EGR4: variants seen among roughly 807,000 people sequenced by gnomAD.
The protein encoded by EGR4 is early growth response protein 4.
Under a neutral mutation model 25.4 loss-of-function variants are expected in EGR4, and 22 were observed. The ratio of observed to expected loss-of-function variants is 0.87; its 90% confidence interval spans 0.62 to 1.24. EGR4 has a LOEUF of 1.24. Among genes scored for constraint, EGR4 ranks in the 50% most tolerant of loss-of-function variants. EGR4 has a pLI of 0.00. For missense variants in EGR4, 742 were observed against 702.9 expected (o/e 1.06, Z -0.63); for synonymous variants, 375 against 320.1 (o/e 1.17, Z -1.83).
rs1469279421 is a variant in EGR4, at chr2:73,291,423, C to T, written c.*34G>A. The T allele has an allele frequency of 4.6e-6, 7 of 1,535,160 alleles. No individual in the cohort carries two copies. The highest frequency in any genetic ancestry group is 6.1e-6 in the Non-Finnish European group (7 of 1,143,322). On this transcript the variant is annotated 3_prime_UTR_variant, in exon 2 of 2. Transcript: ENST00000436467. ...CGGCCCGGAACTCGTGCGCGCCGAA[C>T]GGCGGCGCCCCAACCCATAAACCCA...
rs1689131344 is a variant in EGR4 at position 73,292,493 on chromosome 2, G to C, written c.425C>G (p.Pro142Arg). The C allele has an allele frequency of 6.6e-7, 1 of 1,516,106 alleles. No individual in the cohort carries two copies. The highest frequency in any genetic ancestry group is 8.8e-7 in the Non-Finnish European group (1 of 1,135,360). 93.9% of individuals were successfully genotyped at this position (1,516,106 alleles called of 1,614,324 possible). A position where few individuals can be genotyped will look rare whatever the true frequency, so the allele number is the denominator to read the frequency against. The change falls in exon 2 of 2, where the codon CCG becomes CGG. Residue 142 changes from proline (P) to arginine (R), a missense_variant. By Grantham distance (103) the Pro-to-Arg change is moderately radical. Coordinates refer to ENST00000436467, the MANE Select transcript of EGR4 (RefSeq NM_001965.4). ...GCCCAGATCCGGGGAGTAAAGGTCC[G>C]GCGGACCCGGCAGCAAGGCATCGGA... ...AGSDALLPGP[P>R]DLYSPDLGAA... is the part of the protein sequence containing the mutation.
intron 1 of EGR4, 79 bp downstream of exon 1, chr2:73,293,103 A>C: frequency 7.7e-7 from 1 of 1,305,144 alleles, no homozygotes; most frequent in African/African-American, 1.6e-5. Flanking sequence ...CCAATGTCCC[A>C]GTCCCTCCTG....
Position 73,292,666 on chromosome 2 carries a change from A to C in EGR4, c.252T>G (p.Gly84=). The C allele has an allele frequency of 6.5e-7, 1 of 1,546,482 alleles. No individual in the cohort carries two copies. The highest frequency in any genetic ancestry group is 8.7e-7 in the Non-Finnish European group (1 of 1,146,208). The change falls in exon 2 of 2, where the codon GGT becomes GGG. Residue 84 remains glycine (G), a synonymous_variant. Transcript: ENST00000436467. ...PTPPPGLSYS[G]SFFIQAVPEH... is the part of the protein sequence containing the mutation. The stretch of plus-strand genomic sequence containing the variant: ...CGGGCACTGCCTGAATGAAGAAGCT[A>C]CCGCTGTAGCTGAGGCCGGGAGGGG...
At position 73,291,534 on chromosome 2, in the gene EGR4, T is replaced by C; in HGVS notation, c.1384A>G (p.Lys462Glu). 1 of 1,613,272 alleles carries C rather than the reference T, an allele frequency of 6.2e-7. No homozygotes were observed. Among genetic ancestry groups the C allele is most frequent in the Non-Finnish European group, 8.5e-7 (1 of 1,179,718 alleles). ...EKKRHSKVHLKQKARAEERLK... is the reference protein window; with the variant it reads ...EKKRHSKVHLEQKARAEERLK... ...CGCTCCTCGGCGCGCGCCTTCTGCT[T>C]GAGGTGCACCTTGCTGTGCCGTTTC... The change falls in exon 2 of 2, where the codon AAG becomes GAG. Residue 462 changes from lysine (K) to glutamate (E), a missense_variant. Lys to Glu is a moderately conservative substitution (Grantham distance 56, BLOSUM62 1). Coordinates refer to ENST00000436467, the MANE Select transcript of EGR4 (RefSeq NM_001965.4).
At position 73,292,714 on chromosome 2, in the gene EGR4, G is replaced by A; in HGVS notation, c.204C>T (p.Phe68=). The change falls in exon 2 of 2, where the codon TTC becomes TTT. Residue 68 remains phenylalanine, a synonymous_variant. Transcript: ENST00000436467. ...GGGGTGTGGGCGCAGGCCCCTCCAG[G>A]AAGCAGGAGTCGGCTAAGTCCCCAC... is the stretch of plus-strand genomic sequence containing the variant. ...GASGDLADSC[F]LEGPAPTPPP... 1 of 1,490,092 alleles carries A rather than the reference G, an allele frequency of 6.7e-7. No homozygotes were observed. Among genetic ancestry groups the A allele is most frequent in the Non-Finnish European group, 8.9e-7 (1 of 1,119,862 alleles). The allele number at this position is 1,490,092 out of a possible 1,614,324, so 92.3% of individuals were successfully genotyped here.
At position 73,293,502 on chromosome 2, in the gene EGR4, C is replaced by CGGCCTCG. The variant is rs1286311052; in HGVS notation, c.-192_-186dup. Reference sequence around the variant, plus strand: ...CCGCGGCGCCCTCGCTCGCCCGCACCGGCCTCGGGCGGCGGCTCCTCGCCT... The same window carrying CGGCCTCG: ...CCGCGGCGCCCTCGCTCGCCCGCACCGGCCTCGGGCCTCGGGCGGCGGCTCCTCGCCT... On this transcript the variant is annotated 5_prime_UTR_variant, in exon 1 of 2. Transcript: ENST00000436467. 6 of 1,502,036 alleles carry CGGCCTCG rather than the reference C, an allele frequency of 4.0e-6. No homozygotes were observed. The highest frequency in any genetic ancestry group is 5.3e-6 in the Non-Finnish European group (6 of 1,130,244). 93.0% of individuals were successfully genotyped at this position (1,502,036 alleles called of 1,614,324 possible). A position where few individuals can be genotyped will look rare whatever the true frequency, so the allele number is the denominator to read the frequency against.
Position 73,291,403 on chromosome 2 carries a change from C to A in EGR4, c.*54G>T. On this transcript the variant is annotated 3_prime_UTR_variant, in exon 2 of 2. Coordinates refer to ENST00000436467, the MANE Select transcript of EGR4 (RefSeq NM_001965.4). ...AAGAAGAGCGGGGAGGGGAACGGCC[C>A]GGAACTCGTGCGCGCCGAACGGCGG... 1 of 1,526,494 alleles carries A rather than the reference C, an allele frequency of 6.6e-7. No homozygotes were observed. The highest frequency in any genetic ancestry group is 1.4e-5 in the African/African-American group (1 of 72,134). 94.6% of individuals were successfully genotyped at this position (1,526,494 alleles called of 1,614,324 possible).
chr2:73,292,149 C>A lies in EGR4; in HGVS notation c.769G>T (p.Ala257Ser). 6.3e-7 allele frequency: 1 copy of A among 1,589,082 alleles called. No homozygotes were observed. The highest frequency in any genetic ancestry group is 1.8e-5 in the Admixed American group (1 of 56,424). Reference protein sequence around the residue: ...SCPAELPAVPANRLYPSGAYD... With the variant: ...SCPAELPAVPSNRLYPSGAYD... ...GCCCCGCTGGGATAGAGTCTGTTGG[C>A]TGGGACGGCCGGCAGTTCCGCAGGG... Residue 257 changes from alanine (A) to serine (S), a missense_variant, in exon 2 of 2, where the codon GCC becomes TCC. Ala to Ser is a moderately conservative substitution (Grantham distance 99). Transcript: ENST00000436467.
Position 73,293,428 on chromosome 2 carries a change from C to T in EGR4, c.-111G>A. On this transcript the variant is annotated 5_prime_UTR_variant, in exon 1 of 2. Transcript: ENST00000436467. ...TCCCCGCAGCGCACAGACCTAGGCG[C>T]CCGGGCTCCTGGCTTCGGGCACTCA... is the stretch of plus-strand genomic sequence containing the variant. 1 of 1,520,614 alleles carries T rather than the reference C, an allele frequency of 6.6e-7. No individual in the cohort carries two copies. Among genetic ancestry groups the T allele is most frequent in the South Asian group, 1.2e-5 (1 of 80,826 alleles). The allele number at this position is 1,520,614 out of a possible 1,614,324, so 94.2% of individuals were successfully genotyped here.
At position 73,293,434 on chromosome 2, in the gene EGR4, C is replaced by T; in HGVS notation, c.-117G>A. 6.6e-7 allele frequency: 1 copy of T among 1,520,148 alleles called. No individual in the cohort carries two copies. Among genetic ancestry groups the T allele is most frequent in the Non-Finnish European group, 8.8e-7 (1 of 1,134,776 alleles). The allele number at this position is 1,520,148 out of a possible 1,614,324, so 94.2% of individuals were successfully genotyped here. A position where few individuals can be genotyped will look rare whatever the true frequency, so the allele number is the denominator to read the frequency against. On this transcript the variant is annotated 5_prime_UTR_variant, in exon 1 of 2. Transcript: ENST00000436467. ...CAGCGCACAGACCTAGGCGCCCGGGCTCCTGGCTTCGGGCACTCACCTCTG... is the reference window on the plus strand; with the variant it reads ...CAGCGCACAGACCTAGGCGCCCGGGTTCCTGGCTTCGGGCACTCACCTCTG...
chr2:73,293,163 C>T lies in EGR4; in HGVS notation c.136+19G>A, dbSNP rs747145988. On this transcript the variant is annotated intron_variant, in intron 1 of 1. Transcript: ENST00000436467. The stretch of plus-strand genomic sequence containing the variant: ...CGCTGCGCCGTCGTCGTCTGAGCAC[C>T]CCTGCTCGCCCTCCTTACCTCCAGG... 2.7e-6 allele frequency: 4 copies of T among 1,477,486 alleles called. No individual in the cohort carries two copies. The highest frequency in any genetic ancestry group is 2.7e-5 in the East Asian group (1 of 37,722). 91.5% of individuals were successfully genotyped at this position (1,477,486 alleles called of 1,614,324 possible). A position where few individuals can be genotyped will look rare whatever the true frequency, so the allele number is the denominator to read the frequency against.
Position 73,291,484 on chromosome 2 carries a change from C to A in EGR4, c.1434G>T (p.Ser478=), listed in dbSNP as rs1337198640. The stretch of plus-strand genomic sequence containing the variant: ...AGAGAGAAGCGAAGGAGAGGCCCAG[C>A]GAGTAAAAGCCGAGGCCCTTGAGCC... ...EERLKGLGFY[S]LGLSFASL Residue 478 remains serine, a synonymous_variant, in exon 2 of 2, where the codon TCG becomes TCT. Coordinates refer to ENST00000436467, the MANE Select transcript of EGR4 (RefSeq NM_001965.4). 5 of 1,608,100 alleles carry A rather than the reference C, an allele frequency of 3.1e-6. No individual in the cohort carries two copies. The highest frequency in any genetic ancestry group is 1.7e-4 in the Middle Eastern group (1 of 5,954).
chr2:73,291,592 C>A lies in EGR4; in HGVS notation c.1326G>T (p.Val442=). 1 of 1,613,186 alleles carries A rather than the reference C, an allele frequency of 6.2e-7. No individual in the cohort carries two copies. ...HTGEKPFACD[V]CGRRFARSDE... ...CGCTGCGCGCGAAGCGGCGGCCGCA[C>A]ACGTCGCAAGCAAAAGGCTTCTCGC... The change falls in exon 2 of 2, where the codon GTG becomes GTT. Residue 442 remains valine (V), a synonymous_variant. Coordinates refer to ENST00000436467, the MANE Select transcript of EGR4 (RefSeq NM_001965.4).
Position 73,291,789 on chromosome 2 carries a change from C to G in EGR4, c.1129G>C (p.Ala377Pro). The part of the protein sequence containing the change: ...STRCFCPRPH[A>P]KAFACPVESC... ...TCCACCGGGCAAGCGAAGGCCTTGG[C>G]GTGCGGCCGCGGGCAGAAGCAGCGC... The change falls in exon 2 of 2, where the codon GCC becomes CCC. Residue 377 changes from alanine to proline, a missense_variant. Physicochemically the swap from Ala to Pro is conservative, Grantham distance 27. Transcript: ENST00000436467. The G allele has an allele frequency of 6.3e-7, 1 of 1,597,196 alleles. No homozygotes were observed. The highest frequency in any genetic ancestry group is 2.2e-5 in the East Asian group (1 of 44,670).
In EGR4 at chr2:73,292,366, G is replaced by A. The variant is rs779921623; in HGVS notation, c.552C>T (p.Pro184=). ...EPQLSPPDVK[P]GLRAPPASPA... ...GCGAGGCGGGAGGCGCCCGGAGGCC[G>A]GGCTTGACGTCGGGCGGGGAGAGCT... The change falls in exon 2 of 2, where the codon CCC becomes CCT. Residue 184 remains proline (P), a synonymous_variant. Transcript: ENST00000436467. The A allele has an allele frequency of 8.4e-6, 13 of 1,553,004 alleles. No homozygotes were observed. The highest frequency in any genetic ancestry group is 3.9e-5 in the Admixed American group (2 of 50,736).
chr2:73,292,342 C>A lies in EGR4; in HGVS notation c.576G>T (p.Ser192=), dbSNP rs750784966. ...AGGCAGAGACAGCGTCCAGCGCTGG[C>A]GAGGCGGGAGGCGCCCGGAGGCCGG... is the stretch of plus-strand genomic sequence containing the variant. ...VKPGLRAPPA[S]PALDAVSAFK... Residue 192 remains serine, a synonymous_variant, in exon 2 of 2, where the codon TCG becomes TCT. Coordinates refer to ENST00000436467, the MANE Select transcript of EGR4 (RefSeq NM_001965.4). 35 of 1,574,390 alleles carry A rather than the reference C, an allele frequency of 2.2e-5. No homozygotes were observed. The highest frequency in any genetic ancestry group is 2.8e-5 in the Non-Finnish European group (33 of 1,160,028).
rs1478783650 is a variant in EGR4 at position 73,291,852 on chromosome 2, C to T, written c.1066G>A (p.Ala356Thr). 1 of 1,580,158 alleles carries T rather than the reference C, an allele frequency of 6.3e-7. No individual in the cohort carries two copies. The highest frequency in any genetic ancestry group is 1.8e-5 in the Admixed American group (1 of 56,322). Reference sequence around the variant, plus strand: ...CCGCCGCGGCGCCCCTTGCGTCGCGCCTTGGCCTGGGGGAAAGGGGTGGGC... The same window carrying T: ...CCGCCGCGGCGCCCCTTGCGTCGCGTCTTGGCCTGGGGGAAAGGGGTGGGC... The part of the protein sequence containing the change: ...PPPTPFPQAK[A>T]RRKGRRGGKC... Residue 356 changes from alanine to threonine, a missense_variant, in exon 2 of 2, where the codon GCG (alanine) becomes ACG (threonine). Transcript: ENST00000436467.
Position 73,292,493 on chromosome 2 carries a change from G to A in EGR4, c.425C>T (p.Pro142Leu). 1 of 1,516,224 alleles carries A rather than the reference G, an allele frequency of 6.6e-7. No homozygotes were observed. Among genetic ancestry groups the A allele is most frequent in the Non-Finnish European group, 8.8e-7 (1 of 1,135,352 alleles). 93.9% of individuals were successfully genotyped at this position (1,516,224 alleles called of 1,614,324 possible). Residue 142 changes from proline (P) to leucine (L), a missense_variant, in exon 2 of 2, where the codon CCG becomes CTG. Transcript: ENST00000436467. ...AGSDALLPGP[P>L]DLYSPDLGAA... ...GCCCAGATCCGGGGAGTAAAGGTCC[G>A]GCGGACCCGGCAGCAAGGCATCGGA...
In EGR4 at chr2:73,293,322, C is replaced by A; in HGVS notation, c.-5G>T. ...AAACTCGCTAAGGTGGAGCATGGCG[C>A]GGCGCCGGCTGTGGGGCGCCCGGGG... On this transcript the variant is annotated 5_prime_UTR_variant, in exon 1 of 2. Transcript: ENST00000436467. 6.3e-7 allele frequency: 1 copy of A among 1,574,888 alleles called. No individual in the cohort carries two copies. Among genetic ancestry groups the A allele is most frequent in the Non-Finnish European group, 8.6e-7 (1 of 1,163,582 alleles).
Sources: gnomAD v4.1 joint callset for allele counts on GRCh38, gnomAD v4.1.1 for gene constraint, MANE v1.5 for transcripts, NCBI Gene and HGNC (gene_info 2026-07-23, HGNC 2026-07-21) for gene names.